Variants in ZNF473 observed in about 807,000 individuals in gnomAD.
The protein encoded by ZNF473 is zinc finger protein 100 homolog.
A neutral mutation model predicts 11.1 loss-of-function variants in ZNF473; 4 were observed. That is an observed-to-expected ratio of 0.36 (90% confidence interval 0.18 to 0.82). ZNF473 has a LOEUF of 0.82. Ranked by LOEUF, ZNF473 falls within the 40% of genes least tolerant of loss-of-function variation. The pLI is 0.49. For synonymous variants in ZNF473, 404 were observed against 390.4 expected (o/e 1.03, Z -0.41); for missense variants, 854 against 1,084.0 (o/e 0.79, Z 2.98).
chr19:50,041,180 G>A (rs1419778879), intron 3 of ZNF473: 1 of 152,308 alleles, frequency 6.6e-6, no homozygotes, highest in Non-Finnish European at 1.5e-5. Flanking sequence ...GCTTCTGGAG[G>A]TCACCTGTAT....
chr19:50,026,895 A>AG (rs2077285371), intron 1 of ZNF473, among the ~76,000 whole-genome samples: 1 of 152,110 alleles, frequency 6.6e-6, no homozygotes, highest in African/African-American at 2.4e-5. Flanking sequence ...TTGGGGAAGG[A>AG]GGGGAATGAG....
chr19:50,036,861 A>G (rs1163905857), intron 2 of ZNF473, among the ~76,000 whole-genome samples: 1 of 152,208 alleles, frequency 6.6e-6, no homozygotes, highest in Non-Finnish European at 1.5e-5. Context: ...CCCAGCCTCG[A>G]GAACTATAGG....
At chr19:50,041,504 C>A in intron 3 of ZNF473, 1 of 352,580 alleles carries the variant, frequency 2.8e-6, no homozygotes, top group Non-Finnish European at 5.2e-6. Flanking sequence ...GCTGTCACAG[C>A]TTTGATCACC....
At chr19:50,028,036 T>C (rs2077296491) in intron 1 of ZNF473, among the ~76,000 whole-genome samples, 1 of 151,792 alleles carries the variant, frequency 6.6e-6, no homozygotes, top group Non-Finnish European at 1.5e-5. Flanking sequence ...TGGTGGCTCA[T>C]GCCTGTAATC....
chr19:50,046,328 A>G lies in ZNF473; in HGVS notation c.1885A>G (p.Ser629Gly), dbSNP rs949790630. The G allele has an allele frequency of 6.2e-7, 1 of 1,614,222 alleles. No homozygotes were observed. Among genetic ancestry groups the G allele is most frequent in the South Asian group, 1.1e-5 (1 of 91,084 alleles). The change falls in exon 5 of 5, where the codon AGC (serine) becomes GGC (glycine). Residue 629 changes from serine to glycine, a missense_variant. This residue lies in a region of ZNF473 where 668 missense variants were observed against 790.2 expected (regional missense o/e 0.85). Coordinates refer to ENST00000270617, the MANE Select transcript of ZNF473 (RefSeq NM_015428.4). This position sits in a 1 kb window ranked among gnomAD's most constrained non-coding sequence, Gnocchi z 5.9. ...YKWGEQGKAISSASLIKLQSF... is the reference protein window; with the variant it reads ...YKWGEQGKAIGSASLIKLQSF... ...ATGGGGTGAGCAAGGGAAAGCCATC[A>G]GCAGTGCCTCCCTTATCAAACTTCA...
chr19:50,044,495 C>T, intron 4 of ZNF473, 175 bp from the exon 5 acceptor site: 1 of 585,854 alleles, frequency 1.7e-6, no homozygotes, highest in Non-Finnish European at 3.0e-6. Context: ...TCCCAACTCC[C>T]TTCTTGACCC....
intron 2 of ZNF473, among the ~76,000 whole-genome samples, chr19:50,032,604 A>G (rs762397966): frequency 2.0e-5 from 3 of 152,178 alleles, no homozygotes; most frequent in Non-Finnish European, 4.4e-5. Flanking sequence ...TCCTGCCCTC[A>G]TGAAGCTTAC....
At chr19:50,026,355 C>T (rs535337288) in intron 1 of ZNF473, among the ~76,000 whole-genome samples, 1 of 152,028 alleles carries the variant, frequency 6.6e-6, no homozygotes, top group Non-Finnish European at 1.5e-5. Context: ...GGATCACTTA[C>T]AGCCAGGAGT....
At chr19:50,044,527 G>A in intron 4 of ZNF473, 143 bp from the exon 5 acceptor site, 1 of 660,692 alleles carries the variant, frequency 1.5e-6, no homozygotes, top group Non-Finnish European at 2.6e-6. Flanking sequence ...GGCTCTGTCT[G>A]TTTTCTGTGA....
In ZNF473 at chr19:50,041,819, G is replaced by T; in HGVS notation, c.226G>T (p.Asp76Tyr). The T allele has an allele frequency of 6.2e-7, 1 of 1,609,642 alleles. No individual in the cohort carries two copies. Among genetic ancestry groups the T allele is most frequent in the Non-Finnish European group, 8.5e-7 (1 of 1,178,186 alleles). ...AGGAAGCCCAGAAGCAACAAGCCCT[G>T]GTGAGTGGATGGAGAGGGGCCCCTT... ...AGGSPEATSP[D>Y]VTETKNSPLM... The change falls in exon 4 of 5, where the codon GAT becomes TAT. Residue 76 changes from aspartate (D) to tyrosine (Y), a missense_variant and splice_region_variant. Asp to Tyr is a radical substitution (Grantham distance 160). Around this residue, in one of 2 missense-constraint regions of ZNF473, gnomAD observed 668 missense variants for 790.2 expected, o/e 0.85. Transcript: ENST00000270617.
chr19:50,046,066 A>C lies in ZNF473; in HGVS notation c.1623A>C (p.Lys541Asn). The C allele has an allele frequency of 6.2e-7, 1 of 1,614,216 alleles. No individual in the cohort carries two copies. Residue 541 changes from lysine (K) to asparagine (N), a missense_variant, in exon 5 of 5, where the codon AAA (lysine) becomes AAC (asparagine). Around this residue, in one of 2 missense-constraint regions of ZNF473, gnomAD observed 668 missense variants for 790.2 expected, o/e 0.85. Transcript: ENST00000270617. This position sits in a 1 kb window ranked among gnomAD's most constrained non-coding sequence, Gnocchi z 5.9. ...KCHESVHARE[K>N]QGFFVSGKIL... The stretch of plus-strand genomic sequence containing the variant: ...ACGAGAGTGTTCACGCCAGAGAAAA[A>C]CAAGGATTTTTTGTGAGTGGGAAGA...
Position 50,039,241 on chromosome 19 carries a change from G to A in ZNF473, c.90G>A (p.Thr30=), listed in dbSNP as rs749422474. The A allele has an allele frequency of 3.4e-5, 55 of 1,614,050 alleles. 1 individual carries two copies. Among genetic ancestry groups the A allele is most frequent in the East Asian group, 3.1e-4 (14 of 44,882 alleles). ...WEQLGLEQGD[T]FWDTALDNCQ... ...AGCTCGGGCTGGAACAGGGGGACAC[G>A]TTCTGGGACACAGCGTTGGACAATT... Residue 30 remains threonine, a synonymous_variant, in exon 3 of 5, where the codon ACG becomes ACA. Coordinates refer to ENST00000270617, the MANE Select transcript of ZNF473 (RefSeq NM_015428.4). The surrounding 1 kb of genome is among the most constrained non-coding windows in gnomAD (Gnocchi z 4.8).
At position 50,046,831 on chromosome 19, in the gene ZNF473, C is replaced by T. The variant is rs1189850008; in HGVS notation, c.2388C>T (p.Ala796=). 5 of 1,614,178 alleles carry T rather than the reference C, an allele frequency of 3.1e-6. No individual in the cohort carries two copies. Among genetic ancestry groups the T allele is most frequent in the East Asian group, 4.5e-5 (2 of 44,886 alleles). ...GTGGTGAATGTGGGAAAGCCTTTGC[C>T]CAGAAAGCAAATCTAACACAGCACC... ...YRCGECGKAF[A]QKANLTQHQR... is the part of the protein sequence containing the mutation. Residue 796 remains alanine, a synonymous_variant, in exon 5 of 5, where the codon GCC becomes GCT. Transcript: ENST00000270617. This position sits in a 1 kb window ranked among gnomAD's most constrained non-coding sequence, Gnocchi z 5.9.
intron 2 of ZNF473, among the ~76,000 whole-genome samples, chr19:50,036,314 C>CTTTTTTTTTTTTT (rs35619461): frequency 9.2e-6 from 1 of 108,796 alleles, no homozygotes; most frequent in African/African-American, 4.0e-5. Context: ...GAGGTGGGGC[C>CTTTTTTTTTTTTT]TTTTTTTTTT....
intron 4 of ZNF473, chr19:50,042,055 G>A: frequency 8.9e-6 from 3 of 337,534 alleles, no homozygotes; most frequent in East Asian, 5.6e-5. Flanking sequence ...GGGTTATCCT[G>A]GTGCCTCTCC....
At chr19:50,028,312 A>C (rs12977066) in intron 1 of ZNF473, among the ~76,000 whole-genome samples, 14,574 of 145,030 alleles carry the variant, frequency 0.1, 934 homozygotes, top group East Asian at 0.16. Context: ...AAAAAAAAAA[A>C]AACAAATTTA....
chr19:50,035,452 CGTGTGTGT>C (rs3222106), intron 2 of ZNF473, among the ~76,000 whole-genome samples: 61 of 138,496 alleles, frequency 4.4e-4, no homozygotes, highest in Admixed American at 3.0e-3. Flanking sequence ...TTCTTTCATA[CGTGTGTGT>C]GTGTGTGTGT....
At chr19:50,029,236 G>A (rs750450800) in intron 1 of ZNF473, among the ~76,000 whole-genome samples, 15 of 152,154 alleles carry the variant, frequency 9.9e-5, no homozygotes, top group Non-Finnish European at 1.8e-4. Flanking sequence ...TCCACCTCCC[G>A]GGTTCACACC....
intron 2 of ZNF473, among the ~76,000 whole-genome samples, chr19:50,038,576 G>C (rs1487113105): frequency 6.6e-6 from 1 of 152,156 alleles, no homozygotes. Context: ...AAGGCACAGC[G>C]GTACAGCTGT....
Sources: gnomAD v4.1 joint callset for allele counts (sites outside exome capture counted in the v4.1 genomes callset) on GRCh38, gnomAD v4.1.1 for gene constraint, gnomAD v4.1.1 regional missense constraint, Gnocchi (gnomAD v3.1) non-coding constraint, MANE v1.5 for transcripts, NCBI Gene and HGNC (gene_info 2026-07-23, HGNC 2026-07-21) for gene names.